Variants in PHF3 observed in about 807,000 individuals in gnomAD.
PHF3 encodes PHD finger protein 3.
Under a neutral mutation model 178.4 loss-of-function variants are expected in PHF3, and 41 were observed. The observed-to-expected ratio is 0.23, with a 90% CI of 0.18 to 0.30. The LOEUF is 0.30. Ranked by LOEUF, PHF3 falls within the 10% of genes least tolerant of loss-of-function variation. PHF3 has a pLI of 1.00. For missense variants in PHF3, 2,346 were observed against 2,398.1 expected (o/e 0.98, Z 0.45); for synonymous variants, 842 against 800.5 (o/e 1.05, Z -0.88).
chr6:63,696,074 A>G (rs1379004392), intron 6 of PHF3, among the ~76,000 whole-genome samples: 2 of 152,200 alleles, frequency 1.3e-5, no homozygotes, highest in African/African-American at 4.8e-5. Context: ...GGCATGATGC[A>G]CAAAGGCAAT....
chr6:63,673,070 T>C (rs184299387), intron 2 of PHF3, among the ~76,000 whole-genome samples: 10 of 152,178 alleles, frequency 6.6e-5, no homozygotes, highest in Admixed American at 2.6e-4. Flanking sequence ...TCTCCTCAAG[T>C]TTTTCCTTCA....
rs1160385776 is a variant in PHF3 at position 63,716,529 on chromosome 6, A to G, written c.*2821A>G. Among the ~76,000 whole-genome samples, 1 of 152,064 alleles carries G rather than the reference A, an allele frequency of 6.6e-6. No individual in the cohort carries two copies. The highest frequency in any genetic ancestry group is 2.4e-5 in the African/African-American group (1 of 41,432). On this transcript the variant is annotated 3_prime_UTR_variant, in exon 16 of 16. Transcript: ENST00000262043. ...ATTCCTGTTTTCTATTGCTGTTGTG[A>G]TGAATTACTACAAGTGTAGTGGCTT... is the stretch of plus-strand genomic sequence containing the variant.
In PHF3 at chr6:63,721,585, C is replaced by T; in HGVS notation, c.*7877C>T. Reference sequence around the variant, plus strand: ...CCAATATAGAAGTCTGTATTTGTGTCCAGAGAACTCATTTTAGTGGAGGCC... The same window carrying T: ...CCAATATAGAAGTCTGTATTTGTGTTCAGAGAACTCATTTTAGTGGAGGCC... On this transcript the variant is annotated 3_prime_UTR_variant, in exon 16 of 16. Transcript: ENST00000262043. 1 of 1,551,618 alleles carries T rather than the reference C, an allele frequency of 6.4e-7. No homozygotes were observed. The highest frequency in any genetic ancestry group is 1.4e-5 in the African/African-American group (1 of 73,150).
chr6:63,694,513 T>C, intron 5 of PHF3, 68 bp from the exon 6 acceptor site: 2 of 1,095,102 alleles, frequency 1.8e-6, no homozygotes, highest in East Asian at 2.7e-5. Flanking sequence ...GAGTTATTTT[T>C]GTACGTCTTA....
chr6:63,654,915 TG>T (rs1161533646), intron 2 of PHF3, among the ~76,000 whole-genome samples: 1 of 131,320 alleles, frequency 7.6e-6, no homozygotes, highest in Non-Finnish European at 1.6e-5. Context: ...TTTTTCGAGA[TG>T]GGGCTCTCAC....
intron 2 of PHF3, among the ~76,000 whole-genome samples, chr6:63,666,755 CTTTTT>C (rs1050386767): frequency 9.1e-5 from 13 of 142,802 alleles, no homozygotes; most frequent in African/African-American, 3.3e-4. Context: ...TGTCCCCCTC[CTTTTT>C]TTTTTTTTTG....
chr6:63,725,260 TAAG>T lies in PHF3; in HGVS notation c.*11557_*11559del, dbSNP rs569445834. Among the ~76,000 whole-genome samples the T allele has an allele frequency of 3.8e-3, 582 of 152,240 alleles. 1 individual carries two copies. The highest frequency in any genetic ancestry group is 6.6e-3 in the Non-Finnish European group (448 of 67,964). Reference sequence around the variant, plus strand: ...AACTACATGCATTGAATAACAGATGTAAGAAGATGTGCTCTTGCCCTCCTATGT... The same window carrying T: ...AACTACATGCATTGAATAACAGATGTAAGATGTGCTCTTGCCCTCCTATGT... On this transcript the variant is annotated 3_prime_UTR_variant, in exon 16 of 16. Transcript: ENST00000262043.
At chr6:63,674,549 T>G (rs958437942) in intron 2 of PHF3, among the ~76,000 whole-genome samples, 3 of 151,856 alleles carry the variant, frequency 2.0e-5, no homozygotes, top group Non-Finnish European at 4.4e-5. Context: ...TTGGAGTGAA[T>G]CTGTTACTCA....
chr6:63,699,564 A>G (rs1212865606), intron 8 of PHF3, among the ~76,000 whole-genome samples: 1 of 152,150 alleles, frequency 6.6e-6, no homozygotes, highest in Non-Finnish European at 1.5e-5. Flanking sequence ...TTCTTCAGCA[A>G]TTAAATAAAG....
chr6:63,673,707 G>T lies in PHF3; in HGVS notation c.245-6293G>T, dbSNP rs139203130. Among the ~76,000 whole-genome samples, 205 of 152,274 alleles carry T rather than the reference G, an allele frequency of 1.3e-3. 2 individuals are homozygous for T. The highest frequency in any genetic ancestry group is 4.8e-3 in the African/African-American group (198 of 41,560). On this transcript the variant is annotated intron_variant, in intron 2 of 15. Transcript: ENST00000262043. ...CAGGGTACCCGCCTGAGACTGGAATGCCTCCCAGACCCTTTCTAAGCAAAA... is the reference window on the plus strand; with the variant it reads ...CAGGGTACCCGCCTGAGACTGGAATTCCTCCCAGACCCTTTCTAAGCAAAA...
At chr6:63,676,705 G>A (rs955965700) in intron 2 of PHF3, among the ~76,000 whole-genome samples, 4 of 152,184 alleles carry the variant, frequency 2.6e-5, no homozygotes, top group African/African-American at 9.7e-5. Context: ...GTCTAAATGT[G>A]TTGGGAAGGT....
At chr6:63,697,539 T>C (rs1411285016) in intron 6 of PHF3, among the ~76,000 whole-genome samples, 1 of 152,218 alleles carries the variant, frequency 6.6e-6, no homozygotes, top group Non-Finnish European at 1.5e-5. Flanking sequence ...TTCAGCCGTT[T>C]GTTGCCTATT....
chr6:63,692,662 G>T lies in PHF3; in HGVS notation c.2496+619G>T, dbSNP rs779075599. ...TGGTTAGGCAAGTATAATCCAAAAC[G>T]CAAAGAACATGAATCTTAGAGTTGG... On this transcript the variant is annotated intron_variant, in intron 5 of 15. Transcript: ENST00000262043. Among the ~76,000 whole-genome samples, 2 of 152,132 alleles carry T rather than the reference G, an allele frequency of 1.3e-5. 1 individual carries two copies. The highest frequency in any genetic ancestry group is 4.1e-4 in the South Asian group (2 of 4,828).
intron 2 of PHF3, among the ~76,000 whole-genome samples, chr6:63,660,449 A>G (rs920568314): frequency 1.3e-5 from 2 of 152,130 alleles, no homozygotes; most frequent in South Asian, 4.1e-4. Flanking sequence ...AAATTAGCTG[A>G]TTTTGACTTT....
At position 63,719,248 on chromosome 6, in the gene PHF3, T is replaced by A. The variant is rs1370898745; in HGVS notation, c.*5540T>A. ...AAATAAGACAAAAATCTCTAATAGTTTTTGAATGATAAATTACTACCTCGT... is the reference window on the plus strand; with the variant it reads ...AAATAAGACAAAAATCTCTAATAGTATTTGAATGATAAATTACTACCTCGT... On this transcript the variant is annotated 3_prime_UTR_variant, in exon 16 of 16. Coordinates refer to ENST00000262043, the MANE Select transcript of PHF3 (RefSeq NM_001370348.2). Among the ~76,000 whole-genome samples the A allele has an allele frequency of 6.6e-6, 1 of 152,070 alleles. No homozygotes were observed. Among genetic ancestry groups the A allele is most frequent in the Non-Finnish European group, 1.5e-5 (1 of 67,964 alleles).
rs371736800 is a variant in PHF3 at position 63,712,994 on chromosome 6, G to A, written c.5406G>A (p.Gln1802=). The change falls in exon 16 of 16, where the codon CAG becomes CAA. Residue 1802 remains glutamine (Q), a synonymous_variant. Coordinates refer to ENST00000262043, the MANE Select transcript of PHF3 (RefSeq NM_001370348.2). The part of the protein sequence containing the change: ...STNFSPMRPQ[Q]PNLQHLKSSP... Reference sequence around the variant, plus strand: ...ACTTTTCACCCATGAGGCCACAGCAGCCCAACCTTCAGCATCTCAAGTCTA... The same window carrying A: ...ACTTTTCACCCATGAGGCCACAGCAACCCAACCTTCAGCATCTCAAGTCTA... The A allele has an allele frequency of 6.2e-7, 1 of 1,614,004 alleles. No homozygotes were observed. The highest frequency in any genetic ancestry group is 8.5e-7 in the Non-Finnish European group (1 of 1,179,946).
At chr6:63,682,815 A>G (rs1766496298) in intron 3 of PHF3, among the ~76,000 whole-genome samples, 2 of 152,048 alleles carry the variant, frequency 1.3e-5, no homozygotes, top group Admixed American at 6.5e-5. Flanking sequence ...TGAATATACT[A>G]TTCTTTTGTC....
intron 2 of PHF3, among the ~76,000 whole-genome samples, chr6:63,661,982 G>C (rs1342888697): frequency 2.6e-5 from 4 of 152,110 alleles, no homozygotes. Flanking sequence ...GGTGAGCTGC[G>C]GGCCAGTGAG....
At position 63,712,620 on chromosome 6, in the gene PHF3, A is replaced by G; in HGVS notation, c.5032A>G (p.Lys1678Glu). The change falls in exon 16 of 16, where the codon AAA becomes GAA. Residue 1678 changes from lysine to glutamate, a missense_variant. Coordinates refer to ENST00000262043, the MANE Select transcript of PHF3 (RefSeq NM_001370348.2). ...KDGDSCRNGE[K>E]HMLPGLSHNK... Reference sequence around the variant, plus strand: ...TGGAGATAGTTGCCGGAATGGAGAAAAACACATGCTGCCTGGCCTGTCACA... The same window carrying G: ...TGGAGATAGTTGCCGGAATGGAGAAGAACACATGCTGCCTGGCCTGTCACA... 10 of 1,613,926 alleles carry G rather than the reference A, an allele frequency of 6.2e-6. No individual in the cohort carries two copies. The highest frequency in any genetic ancestry group is 8.5e-6 in the Non-Finnish European group (10 of 1,179,934).
Sources: allele counts gnomAD v4.1 joint callset (sites outside exome capture counted in the v4.1 genomes callset), GRCh38; gene constraint gnomAD v4.1.1; transcripts MANE v1.5; gene names NCBI Gene and HGNC (gene_info 2026-07-23, HGNC 2026-07-21).